NTM: variants seen among roughly 807,000 people sequenced by gnomAD.
NTM encodes the protein IgLON family member 2.
In NTM, 13 loss-of-function variants were observed where a neutral mutation model predicts 42.1. That is an observed-to-expected ratio of 0.31 (90% CI 0.20 to 0.49). The LOEUF is 0.49. Among genes scored for constraint, NTM ranks in the 20% least tolerant of loss-of-function variants. NTM has a pLI of 0.99. For synonymous variants in NTM, 187 were observed against 179.2 expected (o/e 1.04, Z -0.35); for missense variants, 373 against 452.8 (o/e 0.82, Z 1.60).
At chr11:131,824,725 A>G (rs1045210036) in intron 1 of NTM, among the ~76,000 whole-genome samples, 13 of 152,184 alleles carry the variant, frequency 8.5e-5, no homozygotes, top group African/African-American at 3.1e-4. Context: ...AATGAATCTT[A>G]CTTAGGCTGT....
At chr11:131,986,206 C>T (rs1010015016) in intron 2 of NTM, among the ~76,000 whole-genome samples, 1 of 152,204 alleles carries the variant, frequency 6.6e-6, no homozygotes, top group East Asian at 1.9e-4. Flanking sequence ...CATGACAGGT[C>T]CTTTGGCCGC....
At chr11:131,888,475 G>A (rs2050739753) in intron 1 of NTM, among the ~76,000 whole-genome samples, 1 of 152,106 alleles carries the variant, frequency 6.6e-6, no homozygotes, top group Non-Finnish European at 1.5e-5. Context: ...ACAGGTGAGG[G>A]CTGTTCTCCT....
At chr11:131,503,942 A>C (rs1291062513) in intron 1 of NTM, among the ~76,000 whole-genome samples, 1 of 152,196 alleles carries the variant, frequency 6.6e-6, no homozygotes, top group African/African-American at 2.4e-5. Context: ...CCCTACACTG[A>C]CTACCTTTGT....
At chr11:132,238,863 G>A (rs1482907527) in intron 4 of NTM, among the ~76,000 whole-genome samples, 1 of 152,170 alleles carries the variant, frequency 6.6e-6, no homozygotes, top group Non-Finnish European at 1.5e-5. Flanking sequence ...GGCTCCCAGG[G>A]GATGCTGATG....
intron 1 of NTM, among the ~76,000 whole-genome samples, chr11:131,648,280 G>A (rs917936870): frequency 1.3e-5 from 2 of 152,124 alleles, no homozygotes; most frequent in Admixed American, 6.5e-5. Flanking sequence ...CTTTGCTATT[G>A]TGAGTCATGC....
intron 8 of NTM, chr11:132,332,322 G>A (rs1370901475): frequency 1.3e-5 from 2 of 152,674 alleles, no homozygotes; most frequent in African/African-American, 4.8e-5. Flanking sequence ...GTGAGCGCAT[G>A]TACCTGTGGG....
intron 1 of NTM, among the ~76,000 whole-genome samples, chr11:131,860,472 G>A (rs894540799): frequency 2.0e-5 from 3 of 152,206 alleles, no homozygotes; most frequent in African/African-American, 7.2e-5. Context: ...GGGAAGCCCA[G>A]TAGAGACTCA....
At chr11:131,644,529 A>G (rs2065534007) in intron 1 of NTM, among the ~76,000 whole-genome samples, 1 of 152,224 alleles carries the variant, frequency 6.6e-6, no homozygotes, top group Admixed American at 6.5e-5. Context: ...GGGACTGCCC[A>G]AATTCATTAC....
In NTM at chr11:131,854,236, C is replaced by T. The variant is rs559639028; in HGVS notation, c.83-57328C>T. Among the ~76,000 whole-genome samples the T allele has an allele frequency of 8.5e-5, 13 of 152,250 alleles. No individual in the cohort carries two copies. The South Asian group carries it at 2.3e-3, about 27-fold the overall frequency. On this transcript the variant is annotated intron_variant, in intron 1 of 8. Transcript: ENST00000683400. ...CTCTCTGAGCTGTCTTCATGGTAAT[C>T]GTGGTCAGATAAGGTACACAGTGAT...
At chr11:131,629,629 C>T (rs145142996) in intron 1 of NTM, among the ~76,000 whole-genome samples, 1 of 152,264 alleles carries the variant, frequency 6.6e-6, no homozygotes, top group Non-Finnish European at 1.5e-5. Context: ...AGCTTGCTTA[C>T]AAGGATCACC....
At chr11:132,051,210 GA>G (rs1189438624) in intron 2 of NTM, among the ~76,000 whole-genome samples, 4 of 152,132 alleles carry the variant, frequency 2.6e-5, no homozygotes, top group African/African-American at 9.7e-5. Flanking sequence ...ATATGACGAT[GA>G]TTTTTTTTTA....
chr11:132,330,669 G>C (rs965580190), intron 8 of NTM, among the ~76,000 whole-genome samples: 3 of 152,162 alleles, frequency 2.0e-5, no homozygotes, highest in Non-Finnish European at 4.4e-5. Flanking sequence ...CGAATAAAAT[G>C]CATCTTATTT....
intron 1 of NTM, among the ~76,000 whole-genome samples, chr11:131,862,645 T>C (rs781036979): frequency 1.6e-4 from 25 of 152,226 alleles, no homozygotes; most frequent in Non-Finnish European, 3.4e-4. Flanking sequence ...AGATTTTTGC[T>C]CACATTGGAG....
At chr11:132,012,855 G>A (rs542016559) in intron 2 of NTM, among the ~76,000 whole-genome samples, 4 of 152,258 alleles carry the variant, frequency 2.6e-5, no homozygotes, top group African/African-American at 4.8e-5. Flanking sequence ...TTCAGAATAC[G>A]CATCAGGAAG....
chr11:131,527,831 C>A (rs2050716293), intron 1 of NTM, among the ~76,000 whole-genome samples: 1 of 152,078 alleles, frequency 6.6e-6, no homozygotes, highest in African/African-American at 2.4e-5. Flanking sequence ...CAGGATTTAA[C>A]AATCTGACTC....
At chr11:132,034,739 A>G (rs2076314645) in intron 2 of NTM, among the ~76,000 whole-genome samples, 1 of 152,224 alleles carries the variant, frequency 6.6e-6, no homozygotes, top group Non-Finnish European at 1.5e-5. Context: ...CTGCTCCTGC[A>G]ATGGACTATG....
At chr11:131,976,988 T>G (rs942904464) in intron 2 of NTM, among the ~76,000 whole-genome samples, 3 of 151,848 alleles carry the variant, frequency 2.0e-5, no homozygotes, top group Admixed American at 1.3e-4. Context: ...GACATTTACT[T>G]TCACTCATGA....
At chr11:131,967,598 G>GAAAAGAC (rs2134624199) in intron 2 of NTM, among the ~76,000 whole-genome samples, 1 of 152,252 alleles carries the variant, frequency 6.6e-6, no homozygotes, top group Non-Finnish European at 1.5e-5. Context: ...GGGAAGAAGG[G>GAAAAGAC]AAAAGACAAC....
rs566236714 is a variant in NTM, at chr11:131,900,737, T to G, written c.83-10827T>G. On this transcript the variant is annotated intron_variant, in intron 1 of 8. Coordinates refer to ENST00000683400, the MANE Select transcript of NTM (RefSeq NM_001352005.2). ...GGAAGAGATTAAAAGTGACTCGATT[T>G]CTGATTTCAGCAGTTGGTTGCATGA... is the stretch of plus-strand genomic sequence containing the variant. Among the ~76,000 whole-genome samples the G allele has an allele frequency of 2.0e-5, 3 of 152,200 alleles. No individual in the cohort carries two copies. The East Asian group carries it at 5.8e-4, about 29-fold the overall frequency.
Sources: gnomAD v4.1 joint callset for allele counts (sites outside exome capture counted in the v4.1 genomes callset) on GRCh38, gnomAD v4.1.1 for gene constraint, MANE v1.5 for transcripts, NCBI Gene and HGNC (gene_info 2026-07-23, HGNC 2026-07-21) for gene names.